The following LRRC74A variants were observed in gnomAD, a reference collection of about 807,000 sequenced individuals.
The protein encoded by LRRC74A is leucine-rich repeat-containing protein 74A.
A neutral mutation model predicts 57.9 loss-of-function variants in LRRC74A; 44 were observed. The observed-to-expected ratio is 0.76, with a 90% CI of 0.60 to 0.98. The LOEUF (loss-of-function observed/expected upper bound fraction) is 0.98. Among genes scored for constraint, LRRC74A ranks in the 50% least tolerant of loss-of-function variants. The pLI is 0.00. For synonymous variants in LRRC74A, 211 were observed against 219.4 expected, an observed-to-expected ratio of 0.96 and a Z score of 0.34; for missense variants, 572 against 574.0, an observed-to-expected ratio of 1.00 and a Z score of 0.04.
chr14:76,858,125 G>C (rs190767762), intron 10 of LRRC74A, among the ~76,000 whole-genome samples: 2 of 152,304 alleles, frequency 1.3e-5, no homozygotes, highest in East Asian at 3.9e-4. Context: ...GTAGAATACT[G>C]TATTAATTTC....
At chr14:76,852,943 A>C (rs987707427) in intron 8 of LRRC74A, among the ~76,000 whole-genome samples, 3 of 152,148 alleles carry the variant, frequency 2.0e-5, no homozygotes, top group African/African-American at 7.2e-5. Flanking sequence ...GTATAATCGT[A>C]TCTGCTGAGG....
In LRRC74A at chr14:76,831,380, G is replaced by T. The variant is rs1197240498; in HGVS notation, c.339+5G>T. 6.2e-7 allele frequency: 1 copy of T among 1,612,426 alleles called. No homozygotes were observed. Among genetic ancestry groups the T allele is most frequent in the Non-Finnish European group, 8.5e-7 (1 of 1,179,660 alleles). ...GCTATTGCTATAGCCCTGGTGGTGA[G>T]CATGCTAGTGGGAGCTCATGAAACC... On this transcript the variant is annotated splice_donor_5th_base_variant and intron_variant, in intron 3 of 13. Transcript: ENST00000689127.
chr14:76,842,389 C>T (rs972120992), intron 5 of LRRC74A, among the ~76,000 whole-genome samples: 1 of 152,160 alleles, frequency 6.6e-6, no homozygotes, highest in Admixed American at 6.5e-5. Context: ...TAACATAGTA[C>T]AGAAAGTTCT....
chr14:76,846,745 T>C (rs1897138622), intron 7 of LRRC74A, among the ~76,000 whole-genome samples: 1 of 152,166 alleles, frequency 6.6e-6, no homozygotes, highest in Non-Finnish European at 1.5e-5. Context: ...GTTGTTTACG[T>C]GGATGGAGAC....
chr14:76,831,109 G>T, intron 2 of LRRC74A, 94 bp from the exon 3 acceptor site: 1 of 1,273,504 alleles, frequency 7.9e-7, no homozygotes, highest in Admixed American at 2.1e-5. Flanking sequence ...TCTGGCAGAG[G>T]ACAGTCTAGA....
chr14:76,837,668 G>T (rs189050523), intron 4 of LRRC74A, among the ~76,000 whole-genome samples: 1 of 151,984 alleles, frequency 6.6e-6, no homozygotes, highest in East Asian at 1.9e-4. Context: ...GGGTCCCACC[G>T]GGAGGCCCTG....
At chr14:76,831,162 G>A (rs753429971) in intron 2 of LRRC74A, 41 bp from the exon 3 acceptor site, 2 of 1,605,254 alleles carry the variant, frequency 1.2e-6, no homozygotes, top group Non-Finnish European at 1.7e-6. Context: ...AGAAGGCAAA[G>A]GTGGAAGAGA....
intron 5 of LRRC74A, 91 bp from the exon 6 acceptor site, chr14:76,844,332 T>C: frequency 4.9e-6 from 6 of 1,215,834 alleles, no homozygotes; most frequent in Non-Finnish European, 6.0e-6. Flanking sequence ...TCGATTGTTC[T>C]AAAGGGAAGT....
chr14:76,844,180 C>T (rs952656234), intron 5 of LRRC74A, among the ~76,000 whole-genome samples: 2 of 152,108 alleles, frequency 1.3e-5, no homozygotes, highest in Non-Finnish European at 2.9e-5. Flanking sequence ...TTTAAAAATT[C>T]TTTGTAGAGA....
chr14:76,837,907 G>A lies in LRRC74A; in HGVS notation c.480G>A (p.Gly160=), dbSNP rs773028207. 27 of 1,592,592 alleles carry A rather than the reference G, an allele frequency of 1.7e-5. No individual in the cohort carries two copies. The highest frequency in any genetic ancestry group is 3.3e-4 in the Middle Eastern group (2 of 6,070). Reference sequence around the variant, plus strand: ...CCAACAATCACCTTGGTTTGGAGGGGGCCAGAATCATCTCAGATTTCTTTG... The same window carrying A: ...CCAACAATCACCTTGGTTTGGAGGGAGCCAGAATCATCTCAGATTTCTTTG... ...NISNNHLGLE[G]ARIISDFFER... is the part of the protein sequence containing the mutation. Residue 160 remains glycine (G), a synonymous_variant, in exon 5 of 14, where the codon GGG becomes GGA. Coordinates refer to ENST00000689127, the MANE Select transcript of LRRC74A (RefSeq NM_001385106.1).
chr14:76,828,464 A>G, intron 2 of LRRC74A, 45 bp downstream of exon 2: 1 of 1,612,680 alleles, frequency 6.2e-7, no homozygotes, highest in Non-Finnish European at 8.5e-7. Flanking sequence ...TTCTCCTCAG[A>G]AACTGGAGAA....
Position 76,827,654 on chromosome 14 carries a change from C to A in LRRC74A, c.38-637C>A, listed in dbSNP as rs557426552. ...TTCCCAGCAATGAATATGATTAATT[C>A]ATTACTATGAATTAATCATAGTAAT... On this transcript the variant is annotated intron_variant, in intron 1 of 13. Coordinates refer to ENST00000689127, the MANE Select transcript of LRRC74A (RefSeq NM_001385106.1). Among the ~76,000 whole-genome samples, 14 of 152,198 alleles carry A rather than the reference C, an allele frequency of 9.2e-5. No individual in the cohort carries two copies. In the South Asian group the frequency reaches 2.7e-3, roughly 29 times the overall value.
chr14:76,865,406 A>C (rs768625867), intron 11 of LRRC74A, among the ~76,000 whole-genome samples: 4 of 152,222 alleles, frequency 2.6e-5, no homozygotes, highest in Non-Finnish European at 2.9e-5. Flanking sequence ...TTTTTAAATG[A>C]AAAAAATGAA....
In LRRC74A at chr14:76,852,373, G is replaced by T. The variant is rs368622916; in HGVS notation, c.685G>T (p.Val229Leu). The change falls in exon 8 of 14, where the codon GTG becomes TTG. Residue 229 changes from valine (V) to leucine (L), a missense_variant. Physicochemically the swap from Val to Leu is conservative, Grantham distance 32 (BLOSUM62 1). Transcript: ENST00000689127. ...EHLGQMLAIN[V>L]GLTSLDLSWN... ...TTCCCTCCCTGTTTCAGCCATCAAC[G>T]TGGGGCTCACGTCACTGGATCTGAG... The T allele has an allele frequency of 6.2e-7, 1 of 1,610,342 alleles. No homozygotes were observed. Among genetic ancestry groups the T allele is most frequent in the Non-Finnish European group, 8.5e-7 (1 of 1,177,412 alleles).
At chr14:76,840,605 G>C (rs904760700) in intron 5 of LRRC74A, among the ~76,000 whole-genome samples, 8 of 119,182 alleles carry the variant, frequency 6.7e-5, no homozygotes, top group Non-Finnish European at 1.4e-4. Context: ...TTTTTTTTGA[G>C]ACGGAGTCTC....
intron 11 of LRRC74A, among the ~76,000 whole-genome samples, chr14:76,864,745 C>T (rs1314236994): frequency 6.6e-6 from 1 of 151,886 alleles, no homozygotes; most frequent in Non-Finnish European, 1.5e-5. Flanking sequence ...TCCCAGCTAC[C>T]CGGGAGGCTG....
At chr14:76,859,534 CAAAAAAA>C (rs562270049) in intron 10 of LRRC74A, among the ~76,000 whole-genome samples, 1 of 91,518 alleles carries the variant, frequency 1.1e-5, no homozygotes, top group Non-Finnish European at 2.2e-5. Context: ...AACTCCATCT[CAAAAAAA>C]AAAAAAAAAA....
At chr14:76,832,928 A>T (rs1896069447) in intron 3 of LRRC74A, among the ~76,000 whole-genome samples, 1 of 152,148 alleles carries the variant, frequency 6.6e-6, no homozygotes, top group Admixed American at 6.5e-5. Context: ...AGAGCAGCTG[A>T]CCTCATGACC....
chr14:76,826,424 T>A lies in LRRC74A; in HGVS notation c.-274T>A. ...ATCCTTTCAACAGGGCTCCCAGCAA[T>A]AGAGCAGTCCCACTCTCCCAGATGA... On this transcript the variant is annotated 5_prime_UTR_variant, in exon 1 of 14. Coordinates refer to ENST00000689127, the MANE Select transcript of LRRC74A (RefSeq NM_001385106.1). The A allele has an allele frequency of 8.5e-7, 1 of 1,170,104 alleles. No homozygotes were observed. The highest frequency in any genetic ancestry group is 1.2e-6 in the Non-Finnish European group (1 of 831,850). 72.5% of individuals were successfully genotyped at this position (1,170,104 alleles called of 1,614,324 possible).
Sources: allele counts gnomAD v4.1 joint callset (sites outside exome capture counted in the v4.1 genomes callset), GRCh38; gene constraint gnomAD v4.1.1; transcripts MANE v1.5; gene names NCBI Gene and HGNC (gene_info 2026-07-23, HGNC 2026-07-21).